Variants in NELL2 observed in about 807,000 individuals in gnomAD.
The protein encoded by NELL2 is protein kinase C-binding protein NELL2.
Under a neutral mutation model 109.6 loss-of-function variants are expected in NELL2, and 41 were observed. That is an observed-to-expected ratio of 0.37 (90% CI 0.29 to 0.49). The LOEUF is 0.49. NELL2 is among the 20% of genes least tolerant of loss of function. The pLI, the probability that NELL2 is intolerant of heterozygous loss-of-function variation, is 0.98. For synonymous variants in NELL2, 355 were observed against 344.7 expected (o/e 1.03, Z -0.33); for missense variants, 900 against 1,008.3 (o/e 0.89, Z 1.45).
At chr12:44,853,687 A>G (rs1487058141) in intron 2 of NELL2, among the ~76,000 whole-genome samples, 2 of 152,230 alleles carry the variant, frequency 1.3e-5, no homozygotes, top group Non-Finnish European at 2.9e-5. Flanking sequence ...ACATTACAAC[A>G]GAACTTATGA....
intron 3 of NELL2, among the ~76,000 whole-genome samples, chr12:44,806,175 T>C (rs1337407432): frequency 1.3e-5 from 2 of 151,864 alleles, no homozygotes; most frequent in African/African-American, 4.8e-5. Flanking sequence ...ATTAATATCC[T>C]TATTAAATGA....
At chr12:44,862,007 C>T (rs765707939) in intron 2 of NELL2, among the ~76,000 whole-genome samples, 3 of 152,180 alleles carry the variant, frequency 2.0e-5, no homozygotes, top group African/African-American at 4.8e-5. Context: ...ACAATAATCT[C>T]CCAATAGCTG....
At chr12:44,802,396 T>A (rs1334688664) in intron 3 of NELL2, among the ~76,000 whole-genome samples, 1 of 152,104 alleles carries the variant, frequency 6.6e-6, no homozygotes, top group Non-Finnish European at 1.5e-5. Context: ...AAGAGTCATA[T>A]CAGGATGAAT....
At chr12:44,630,475 G>A (rs1946414949) in intron 13 of NELL2, among the ~76,000 whole-genome samples, 1 of 152,154 alleles carries the variant, frequency 6.6e-6, no homozygotes, top group African/African-American at 2.4e-5. Context: ...ATTTGAAAGT[G>A]TATATCTTTT....
chr12:44,523,966 C>T (rs971453925), intron 16 of NELL2, among the ~76,000 whole-genome samples: 4 of 152,210 alleles, frequency 2.6e-5, no homozygotes, highest in South Asian at 2.1e-4. Context: ...CTTATTCTCG[C>T]GGCTGCACCT....
At chr12:44,667,588 G>A (rs1947969447) in intron 12 of NELL2, among the ~76,000 whole-genome samples, 1 of 152,182 alleles carries the variant, frequency 6.6e-6, no homozygotes, top group African/African-American at 2.4e-5. Context: ...AGTAGGGTGA[G>A]GATTCAAGAT....
At chr12:44,689,552 AC>A (rs1948836596) in intron 12 of NELL2, among the ~76,000 whole-genome samples, 1 of 152,192 alleles carries the variant, frequency 6.6e-6, no homozygotes. Flanking sequence ...CCCCATACAT[AC>A]ATTTCTCTTC....
chr12:44,792,885 T>C (rs917763902), intron 3 of NELL2, among the ~76,000 whole-genome samples: 3 of 152,194 alleles, frequency 2.0e-5, no homozygotes, highest in African/African-American at 7.2e-5. Flanking sequence ...AAATCTGTCC[T>C]ACTCAAATAA....
At chr12:44,548,284 C>T (rs915817475) in intron 15 of NELL2, among the ~76,000 whole-genome samples, 2 of 152,142 alleles carry the variant, frequency 1.3e-5, no homozygotes, top group African/African-American at 4.8e-5. Flanking sequence ...GATTTAAGAA[C>T]ATAACATAAG....
intron 15 of NELL2, among the ~76,000 whole-genome samples, chr12:44,551,570 C>G (rs1303744746): frequency 6.6e-6 from 1 of 152,162 alleles, no homozygotes; most frequent in East Asian, 1.9e-4. Context: ...GCCTTCTCCT[C>G]TCCCAAGTGC....
In NELL2 at chr12:44,876,235, C is replaced by T; in HGVS notation, c.-366G>A. 3 of 1,170,276 alleles carry T rather than the reference C, an allele frequency of 2.6e-6. No homozygotes were observed. Among genetic ancestry groups the T allele is most frequent in the Non-Finnish European group, 3.2e-6 (3 of 946,352 alleles). 72.5% of individuals were successfully genotyped at this position (1,170,276 alleles called of 1,614,324 possible). ...GCACACCCGGTAGAAGGGGGGCGGCCCCAAGAAAGCCCGGGCTGGGGCGGC... is the reference window on the plus strand; with the variant it reads ...GCACACCCGGTAGAAGGGGGGCGGCTCCAAGAAAGCCCGGGCTGGGGCGGC... On this transcript the variant is annotated 5_prime_UTR_variant, in exon 1 of 20. Transcript: ENST00000429094.
intron 13 of NELL2, among the ~76,000 whole-genome samples, chr12:44,612,791 T>C (rs892768983): frequency 1.1e-4 from 17 of 152,080 alleles, no homozygotes; most frequent in African/African-American, 3.6e-4. Flanking sequence ...AGCTGCTGAT[T>C]GATTTGATGC....
chr12:44,561,256 C>T (rs772528812), intron 15 of NELL2, among the ~76,000 whole-genome samples: 16 of 152,164 alleles, frequency 1.1e-4, no homozygotes, highest in Admixed American at 2.6e-4. Context: ...GTATTCCCTT[C>T]GAAAATGAGC....
At position 44,661,209 on chromosome 12, in the gene NELL2, C is replaced by T. The variant is rs993806351; in HGVS notation, c.1444+4275G>A. Reference sequence around the variant, plus strand: ...AGGAGGGCACTGCACATGCAGGCAGCCCATCCTAAGGGAAGAATCATGGGA... The same window carrying T: ...AGGAGGGCACTGCACATGCAGGCAGTCCATCCTAAGGGAAGAATCATGGGA... On this transcript the variant is annotated intron_variant, in intron 13 of 19. Transcript: ENST00000429094. 1.4e-4 allele frequency among the ~76,000 whole-genome samples: 21 copies of T among 152,154 alleles called. 1 individual carries two copies. Among genetic ancestry groups the T allele is most frequent in the Admixed American group, 1.4e-3 (21 of 15,276 alleles).
intron 1 of NELL2, among the ~76,000 whole-genome samples, chr12:44,903,177 A>G (rs1945681647): frequency 6.6e-6 from 1 of 152,216 alleles, no homozygotes; most frequent in South Asian, 2.1e-4. Context: ...AGCTACAAGG[A>G]ACTTAAACAA....
rs199797603 is a variant in NELL2 at position 44,783,594 on chromosome 12, C to A, written c.336-3572G>T. ...TAGACAAAAAGTTTGACAAATGACA[C>A]AAAATGAACTAATTCAAAAACACAA... is the stretch of plus-strand genomic sequence containing the variant. On this transcript the variant is annotated intron_variant, in intron 3 of 19. Transcript: ENST00000429094. 1.5e-4 allele frequency among the ~76,000 whole-genome samples: 22 copies of A among 143,706 alleles called. No homozygotes were observed. The East Asian group carries it at 4.3e-3, about 28-fold the overall frequency. The allele number at this position is 143,706 out of a possible 152,430, so 94.3% of individuals were successfully genotyped here.
chr12:44,602,658 T>C (rs1000071553), intron 15 of NELL2, among the ~76,000 whole-genome samples: 8 of 152,122 alleles, frequency 5.3e-5, no homozygotes, highest in African/African-American at 1.9e-4. Context: ...ATTTCCACTG[T>C]GAGTCATATT....
intron 8 of NELL2, among the ~76,000 whole-genome samples, chr12:44,775,092 C>T (rs1032757987): frequency 3.3e-5 from 5 of 152,196 alleles, no homozygotes; most frequent in African/African-American, 1.2e-4. Context: ...GCTGCTCGGG[C>T]TTCCCATTTT....
In NELL2 at chr12:44,523,492, C is replaced by A. The variant is rs200328352; in HGVS notation, c.1805-8G>T. The A allele has an allele frequency of 1.6e-5, 25 of 1,611,526 alleles. No homozygotes were observed. The African/African-American group carries it at 2.4e-4, about 15-fold the overall frequency. On this transcript the variant is annotated splice_polypyrimidine_tract_variant and splice_region_variant and intron_variant, in intron 16 of 19. Transcript: ENST00000429094. ...TCCCACACTCATCAATATCTATAGA[C>A]AAGAAAAAGCAGCACTCAATGTGCT...
Sources: allele counts gnomAD v4.1 joint callset (sites outside exome capture counted in the v4.1 genomes callset), GRCh38; gene constraint gnomAD v4.1.1; transcripts MANE v1.5; gene names NCBI Gene and HGNC (gene_info 2026-07-23, HGNC 2026-07-21).